GAS7: variants seen among roughly 807,000 people sequenced by gnomAD.
The protein encoded by GAS7 is growth arrest-specific protein 7.
GAS7 carries 28 observed loss-of-function variants against 71.1 expected under a neutral mutation model. The observed-to-expected ratio is 0.39, with a 90% confidence interval of 0.29 to 0.54. GAS7 has a LOEUF of 0.54. Ranked by LOEUF, GAS7 falls within the 20% of genes least tolerant of loss-of-function variation. The probability of loss-of-function intolerance (pLI) is 0.62; values close to 1 mark genes in which losing one functional copy is unlikely to be tolerated. For synonymous variants in GAS7, 258 were observed against 245.8 expected (o/e 1.05, Z -0.46); for missense variants, 436 against 627.8 (o/e 0.69, Z 3.27).
chr17:9,925,686 TC>T (rs1325261601), intron 10 of GAS7, 87 bp from the exon 11 acceptor site: 28 of 1,450,758 alleles, frequency 1.9e-5, no homozygotes, highest in Non-Finnish European at 2.9e-6. Flanking sequence ...CCCTTTGGAG[TC>T]CTTTCGCCCC....
At chr17:9,934,876 C>T (rs756726347) in intron 8 of GAS7, among the ~76,000 whole-genome samples, 6 of 152,218 alleles carry the variant, frequency 3.9e-5, no homozygotes, top group Non-Finnish European at 7.3e-5. Context: ...GCTGGGATTA[C>T]AGGCGTGTGC....
intron 2 of GAS7, among the ~76,000 whole-genome samples, chr17:10,007,983 G>A (rs1198314608): frequency 1.3e-5 from 2 of 152,104 alleles, no homozygotes; most frequent in African/African-American, 2.4e-5. Context: ...TATGGCACAC[G>A]GCTTTTTGTG....
intron 1 of GAS7, among the ~76,000 whole-genome samples, chr17:10,108,791 T>C (rs12943734): frequency 0.084 from 12,804 of 152,188 alleles, 638 homozygotes; most frequent in South Asian, 0.17. Flanking sequence ...CGTAGAGGAA[T>C]AAAACTGGAC....
chr17:10,054,077 G>T (rs1481125872), intron 1 of GAS7, among the ~76,000 whole-genome samples: 1 of 152,106 alleles, frequency 6.6e-6, no homozygotes, highest in Non-Finnish European at 1.5e-5. Flanking sequence ...AACAAAGACG[G>T]TCTGTTCTAA....
intron 4 of GAS7, among the ~76,000 whole-genome samples, chr17:9,967,445 A>G (rs888484371): frequency 2.6e-5 from 4 of 152,164 alleles, no homozygotes; most frequent in Middle Eastern, 6.8e-3. Context: ...GTGACAATCC[A>G]AACGTCTCCA....
At chr17:10,169,239 C>A (rs1048989266) in intron 1 of GAS7, among the ~76,000 whole-genome samples, 1 of 151,956 alleles carries the variant, frequency 6.6e-6, no homozygotes, top group South Asian at 2.1e-4. Context: ...GCACTCCAGC[C>A]TGGGCAACAA....
chr17:10,086,051 G>T (rs2073515879), intron 1 of GAS7, among the ~76,000 whole-genome samples: 2 of 152,182 alleles, frequency 1.3e-5, no homozygotes, highest in Admixed American at 1.3e-4. Context: ...ATTGAGGGGG[G>T]TCAACTGTGT....
At chr17:10,045,736 G>A (rs544647535) in intron 1 of GAS7, among the ~76,000 whole-genome samples, 4 of 152,206 alleles carry the variant, frequency 2.6e-5, no homozygotes, top group South Asian at 4.2e-4. Context: ...TATCAGAAAC[G>A]GCACCCAGTT....
At chr17:9,976,951 T>C (rs1386621476) in intron 3 of GAS7, among the ~76,000 whole-genome samples, 6 of 152,172 alleles carry the variant, frequency 3.9e-5, no homozygotes, top group African/African-American at 9.7e-5. Flanking sequence ...TTAAATAAAA[T>C]CTAAATGCAA....
chr17:9,928,042 C>A (rs915995263), intron 9 of GAS7, among the ~76,000 whole-genome samples: 1 of 152,082 alleles, frequency 6.6e-6, no homozygotes, highest in Non-Finnish European at 1.5e-5. Flanking sequence ...CCATCCCACC[C>A]CCCTTTAAAA....
chr17:10,144,849 G>C (rs1409871358), intron 1 of GAS7, among the ~76,000 whole-genome samples: 2 of 152,124 alleles, frequency 1.3e-5, no homozygotes, highest in Non-Finnish European at 2.9e-5. Flanking sequence ...CGCCTGGCCA[G>C]TTGTTACATT....
In GAS7 at chr17:10,035,382, C is replaced by T. The variant is rs543657646; in HGVS notation, c.184-15485G>A. 1.1e-4 allele frequency among the ~76,000 whole-genome samples: 16 copies of T among 152,260 alleles called. No individual in the cohort carries two copies. In the South Asian group the frequency reaches 2.7e-3, roughly 26 times the overall value. ...AGAGCCCCAGGTCCTGCCCCAGCAC[C>T]GGATCTTACATTTTAAAGGTTCCCG... On this transcript the variant is annotated intron_variant, in intron 1 of 13. Transcript: ENST00000432992.
chr17:10,124,286 T>G (rs1361300787), intron 1 of GAS7, among the ~76,000 whole-genome samples: 1 of 152,218 alleles, frequency 6.6e-6, no homozygotes, highest in Non-Finnish European at 1.5e-5. Flanking sequence ...TCCCTCACTC[T>G]GCAAGACTTG....
chr17:9,916,934 C>G lies in GAS7; in HGVS notation c.*294G>C. The G allele has an allele frequency of 2.0e-6, 1 of 510,172 alleles. No homozygotes were observed. The highest frequency in any genetic ancestry group is 3.5e-6 in the Non-Finnish European group (1 of 286,904). The allele number at this position is 510,172 out of a possible 1,614,324, so 31.6% of individuals were successfully genotyped here. On this transcript the variant is annotated 3_prime_UTR_variant, in exon 14 of 14. Transcript: ENST00000432992. ...TGACAGTGACCCCTACAAAACTCGG[C>G]AAGGACCACAAAGTTCCAGCCTCTG... is the stretch of plus-strand genomic sequence containing the variant.
chr17:10,179,927 A>G (rs561952586), intron 1 of GAS7, among the ~76,000 whole-genome samples: 11 of 152,342 alleles, frequency 7.2e-5, no homozygotes, highest in African/African-American at 2.6e-4. Context: ...TATGGCAGTG[A>G]CCATCAGCAA....
chr17:10,197,905 C>T (rs1038591722), intron 1 of GAS7, among the ~76,000 whole-genome samples: 2 of 152,216 alleles, frequency 1.3e-5, no homozygotes, highest in Non-Finnish European at 2.9e-5. Context: ...GGGAACGCTC[C>T]CGCCTGCTCC....
At chr17:10,153,521 A>C (rs1463795889) in intron 1 of GAS7, among the ~76,000 whole-genome samples, 2 of 28,398 alleles carry the variant, frequency 7.0e-5, no homozygotes, top group Admixed American at 8.7e-4. Flanking sequence ...TTGACTCACA[A>C]AAAAAAAAAA....
chr17:9,924,162 A>C (rs1368295479), intron 11 of GAS7, among the ~76,000 whole-genome samples: 2 of 152,188 alleles, frequency 1.3e-5, no homozygotes, highest in Non-Finnish European at 1.5e-5. Flanking sequence ...GCCATGTACC[A>C]ATACTGTTTT....
At chr17:10,128,629 CTCT>C (rs1205555213) in intron 1 of GAS7, among the ~76,000 whole-genome samples, 17 of 150,788 alleles carry the variant, frequency 1.1e-4, no homozygotes, top group African/African-American at 3.9e-4. Flanking sequence ...TTTTTCTTTT[CTCT>C]TTTTTTTTTT....
Sources: gnomAD v4.1 joint callset for allele counts (sites outside exome capture counted in the v4.1 genomes callset) on GRCh38, gnomAD v4.1.1 for gene constraint, MANE v1.5 for transcripts, NCBI Gene and HGNC (gene_info 2026-07-23, HGNC 2026-07-21) for gene names.